Variants in ARID3B observed in about 807,000 individuals in gnomAD.
The protein encoded by ARID3B is AT-rich interaction domain 3B.
ARID3B carries 10 observed loss-of-function variants against 51.9 expected under a neutral mutation model. That is an observed-to-expected ratio of 0.19 (90% confidence interval 0.12 to 0.33). The LOEUF (loss-of-function observed/expected upper bound fraction) is 0.33. ARID3B is among the 10% of genes least tolerant of loss of function. The pLI, the probability that ARID3B is intolerant of heterozygous loss-of-function variation, is 1.00. For synonymous variants in ARID3B, 205 were observed against 279.5 expected (o/e 0.73, Z 2.66); for missense variants, 483 against 716.3 (o/e 0.67, Z 3.72).
intron 2 of ARID3B, among the ~76,000 whole-genome samples, chr15:74,565,658 C>T (rs986272842): frequency 1.3e-5 from 2 of 151,642 alleles, no homozygotes; most frequent in Non-Finnish European, 2.9e-5. Flanking sequence ...GCGCTTCTGT[C>T]TCTGGGGAAG....
At chr15:74,593,059 TG>T in intron 7 of ARID3B, 78 bp from the exon 8 acceptor site, 2 of 1,262,106 alleles carry the variant, frequency 1.6e-6, no homozygotes, top group Non-Finnish European at 2.3e-6. Flanking sequence ...TGACCAGGGG[TG>T]GCCAGGCAGC....
chr15:74,552,785 C>T (rs2061642860), intron 2 of ARID3B, among the ~76,000 whole-genome samples: 1 of 152,088 alleles, frequency 6.6e-6, no homozygotes, highest in Non-Finnish European at 1.5e-5. Flanking sequence ...TCTTTTTGTG[C>T]TGAATAATAT....
intron 4 of ARID3B, among the ~76,000 whole-genome samples, chr15:74,589,574 T>C (rs2061795658): frequency 6.6e-6 from 1 of 152,034 alleles, no homozygotes; most frequent in South Asian, 2.1e-4. Flanking sequence ...AGTCTGGCCC[T>C]CTTATTTACA....
At chr15:74,546,393 G>A (rs1031883574) in intron 2 of ARID3B, among the ~76,000 whole-genome samples, 16 of 152,232 alleles carry the variant, frequency 1.1e-4, no homozygotes, top group African/African-American at 1.7e-4. Flanking sequence ...CAGCGTCTGC[G>A]TGTGTGCGGT....
chr15:74,594,610 A>C (rs890521090), intron 8 of ARID3B, among the ~76,000 whole-genome samples: 1 of 152,224 alleles, frequency 6.6e-6, no homozygotes, highest in Admixed American at 6.5e-5. Flanking sequence ...TTCTATCACA[A>C]CTGGGAGTGT....
intron 2 of ARID3B, among the ~76,000 whole-genome samples, chr15:74,571,657 AC>A (rs1187050553): frequency 6.6e-6 from 1 of 152,220 alleles, no homozygotes; most frequent in Non-Finnish European, 1.5e-5. Context: ...TAAATAAGAT[AC>A]CTTTCCTTTC....
intron 2 of ARID3B, among the ~76,000 whole-genome samples, chr15:74,552,056 C>CTTTTTTTTTT (rs869096001): frequency 1.7e-4 from 17 of 102,634 alleles, no homozygotes; most frequent in Admixed American, 3.7e-4. Flanking sequence ...TCTTTCTTTC[C>CTTTTTTTTTT]TTTTTTTTTT....
Position 74,556,780 on chromosome 15 carries a change from T to TTTG in ARID3B, c.552+12294_552+12295insGTT, listed in dbSNP as rs1230528559. On this transcript the variant is annotated intron_variant, in intron 2 of 8. Coordinates refer to ENST00000346246, the MANE Select transcript of ARID3B (RefSeq NM_006465.4). ...TTTTTCTTTTTTTTGTTTTTTGTTT[T>TTTG]TTTTTTTTTTTTGAGACGGAGTCTC... is the stretch of plus-strand genomic sequence containing the variant. 2.8e-3 allele frequency among the ~76,000 whole-genome samples: 417 copies of TTTG among 146,740 alleles called. 1 individual carries two copies. The highest frequency in any genetic ancestry group is 0.023 in the East Asian group (117 of 5,024).
At chr15:74,569,262 C>T (rs1047903162) in intron 2 of ARID3B, among the ~76,000 whole-genome samples, 8 of 152,070 alleles carry the variant, frequency 5.3e-5, no homozygotes, top group East Asian at 1.9e-4. Context: ...GAGGGGAAGA[C>T]GGAGGAGCTG....
At chr15:74,586,500 A>G (rs1425622369) in intron 4 of ARID3B, among the ~76,000 whole-genome samples, 2 of 152,272 alleles carry the variant, frequency 1.3e-5, no homozygotes, top group South Asian at 2.1e-4. Context: ...CAGCCAGGCA[A>G]TTAGTCCAAT....
intron 4 of ARID3B, among the ~76,000 whole-genome samples, chr15:74,582,540 G>A (rs2061765756): frequency 6.6e-6 from 1 of 152,178 alleles, no homozygotes; most frequent in African/African-American, 2.4e-5. Context: ...AAAGAGATTA[G>A]TCCAAGCTGG....
chr15:74,591,336 C>A lies in ARID3B; in HGVS notation c.1067C>A (p.Ser356Tyr). 1 of 1,614,114 alleles carries A rather than the reference C, an allele frequency of 6.2e-7. No homozygotes were observed. The highest frequency in any genetic ancestry group is 8.5e-7 in the Non-Finnish European group (1 of 1,179,974). The change falls in exon 6 of 9, where the codon TCC becomes TAC. Residue 356 changes from serine to tyrosine, a missense_variant. Around this residue, in one of 3 missense-constraint regions of ARID3B, gnomAD observed 265 missense variants for 354.4 expected, o/e 0.75. Coordinates refer to ENST00000346246, the MANE Select transcript of ARID3B (RefSeq NM_006465.4). The surrounding 1 kb of genome is among the most constrained non-coding windows in gnomAD (Gnocchi z 5.8). ...GCTGCCGGGGCCCCTGCCCTTCTCT[C>A]CCCACCCAAGATCCGCTTTCCCATC... is the stretch of plus-strand genomic sequence containing the variant. ...AAAAGAPALL[S>Y]PPKIRFPILG...
chr15:74,592,470 C>A (rs563615324), intron 7 of ARID3B, among the ~76,000 whole-genome samples: 106 of 152,296 alleles, frequency 7.0e-4, no homozygotes, highest in South Asian at 1.9e-3. Flanking sequence ...TATACATATT[C>A]CCAGGCTGCC....
intron 4 of ARID3B, among the ~76,000 whole-genome samples, chr15:74,587,059 C>T (rs2061784355): frequency 1.3e-5 from 2 of 152,206 alleles, no homozygotes; most frequent in South Asian, 4.1e-4. Context: ...GAATACTTCA[C>T]ATGTGATCTT....
At chr15:74,565,676 C>T (rs1456141523) in intron 2 of ARID3B, among the ~76,000 whole-genome samples, 1 of 151,116 alleles carries the variant, frequency 6.6e-6, no homozygotes, top group African/African-American at 2.4e-5. Context: ...AAGTGCAGCT[C>T]TAAGGAATGC....
intron 2 of ARID3B, among the ~76,000 whole-genome samples, chr15:74,559,811 A>G (rs955897954): frequency 2.6e-5 from 4 of 152,106 alleles, no homozygotes; most frequent in East Asian, 1.9e-4. Flanking sequence ...TACAATCACT[A>G]CAGCCACATA....
intron 2 of ARID3B, among the ~76,000 whole-genome samples, chr15:74,566,602 C>CA (rs75577936): frequency 0.011 from 1,008 of 93,864 alleles, 13 homozygotes; most frequent in South Asian, 0.025. Context: ...GACTCTGTCT[C>CA]AAAAAAAAAA....
In ARID3B at chr15:74,596,901, C is replaced by T. The variant is rs1220273970; in HGVS notation, c.*1127C>T. The T allele has an allele frequency of 8.6e-6, 2 of 233,606 alleles. No homozygotes were observed. Among genetic ancestry groups the T allele is most frequent in the Non-Finnish European group, 1.7e-5 (2 of 118,036 alleles). 14.5% of individuals were successfully genotyped at this position (233,606 alleles called of 1,614,324 possible). On this transcript the variant is annotated 3_prime_UTR_variant, in exon 9 of 9. Coordinates refer to ENST00000346246, the MANE Select transcript of ARID3B (RefSeq NM_006465.4). ...GTAACCCGGCCCCTCTGGCCCTTCC[C>T]TCAAGCCCAGTGAGGAGGTGGGTGG...
chr15:74,556,362 T>G (rs558576997), intron 2 of ARID3B, among the ~76,000 whole-genome samples: 27 of 152,314 alleles, frequency 1.8e-4, no homozygotes, highest in African/African-American at 6.0e-4. Flanking sequence ...TGGGTGTGAT[T>G]CTAGGCTCTC....
Sources: allele counts gnomAD v4.1 joint callset (sites outside exome capture counted in the v4.1 genomes callset), GRCh38; gene constraint gnomAD v4.1.1; regional missense constraint gnomAD v4.1.1; non-coding constraint Gnocchi (gnomAD v3.1); transcripts MANE v1.5; gene names NCBI Gene and HGNC (gene_info 2026-07-23, HGNC 2026-07-21).